TRPC5: variants seen among roughly 807,000 people sequenced by gnomAD.
TRPC5 encodes the protein transient receptor potential cation channel subfamily C member 5, also known as short transient receptor potential channel 5.
Under a neutral mutation model 56.5 loss-of-function variants are expected in TRPC5, and 9 were observed. That is an observed-to-expected ratio of 0.16 (90% confidence interval 0.10 to 0.28). The LOEUF is 0.28. Among genes scored for constraint, TRPC5 ranks in the 10% least tolerant of loss-of-function variants. The pLI, the probability that TRPC5 is intolerant of heterozygous loss-of-function variation, is 1.00. For synonymous variants in TRPC5, 282 were observed against 278.5 expected (o/e 1.01, Z -0.13); for missense variants, 469 against 748.9 (o/e 0.63, Z 4.36).
chrX:112,038,522 T>C (rs1203082478), intron 1 of TRPC5, among the ~76,000 whole-genome samples: 1 of 112,262 alleles, frequency 8.9e-6, no homozygotes, highest in Non-Finnish European at 1.9e-5. Context: ...CTGTAGGTGT[T>C]CTGTTATCTT....
intron 4 of TRPC5, 68 bp downstream of exon 4, chrX:111,853,702 G>A: frequency 1.8e-6 from 2 of 1,081,196 alleles, no homozygotes; most frequent in East Asian, 6.0e-5. Flanking sequence ...CTGACTGCCT[G>A]TTCTAGTAGT....
chrX:111,780,717 G>A (rs1945913437), intron 9 of TRPC5, among the ~76,000 whole-genome samples: 1 of 111,894 alleles, frequency 8.9e-6, no homozygotes, highest in Non-Finnish European at 1.9e-5. Flanking sequence ...TCAATCCTCT[G>A]TTGTTCAAGA....
intron 1 of TRPC5, among the ~76,000 whole-genome samples, chrX:112,071,166 G>A (rs1470387341): frequency 9.1e-6 from 1 of 109,989 alleles, no homozygotes; most frequent in African/African-American, 3.3e-5. Flanking sequence ...CACAATATTA[G>A]CCGGGCATGG....
At chrX:111,976,275 T>G (rs138068135) in intron 1 of TRPC5, among the ~76,000 whole-genome samples, 1 of 109,900 alleles carries the variant, frequency 9.1e-6, no homozygotes, top group Non-Finnish European at 1.9e-5. Flanking sequence ...ATAGAAAAAT[T>G]ACCCAGGTGT....
intron 7 of TRPC5, among the ~76,000 whole-genome samples, chrX:111,803,605 G>C (rs185165731): frequency 1.8e-5 from 2 of 112,472 alleles, no homozygotes; most frequent in Admixed American, 1.9e-4. Context: ...GACCAGTGAT[G>C]GTGAGCATTT....
At chrX:111,818,775 T>C (rs1346997582) in intron 7 of TRPC5, among the ~76,000 whole-genome samples, 1 of 109,549 alleles carries the variant, frequency 9.1e-6, no homozygotes, top group African/African-American at 3.3e-5. Context: ...AGCTAATTTT[T>C]GTATTTTTAG....
intron 7 of TRPC5, among the ~76,000 whole-genome samples, chrX:111,795,328 T>C (rs1009216551): frequency 9.0e-6 from 1 of 111,203 alleles, no homozygotes; most frequent in African/African-American, 3.3e-5. Context: ...TCCTAGTTTG[T>C]TGAGACCTTT....
intron 1 of TRPC5, among the ~76,000 whole-genome samples, chrX:111,963,689 C>T (rs942615551): frequency 1.8e-5 from 2 of 111,846 alleles, no homozygotes; most frequent in Non-Finnish European, 3.8e-5. Flanking sequence ...TCTACAGCCA[C>T]CGCTGCTGAT....
At position 111,769,897 on chromosome X, in the gene TRPC5, A is replaced by T. The variant is rs1945833943; in HGVS notation, c.*6416T>A. On this transcript the variant is annotated 3_prime_UTR_variant, in exon 11 of 11. Transcript: ENST00000262839. ...ATTCCTAAAAATTTAATCTTATAGGATCATGATTTTCTACCATTGAGGATA... is the reference window on the plus strand; with the variant it reads ...ATTCCTAAAAATTTAATCTTATAGGTTCATGATTTTCTACCATTGAGGATA... Among the ~76,000 whole-genome samples the T allele has an allele frequency of 8.9e-6, 1 of 111,830 alleles. No homozygotes were observed. Among genetic ancestry groups the T allele is most frequent in the African/African-American group, 3.2e-5 (1 of 30,816 alleles).
At chrX:112,071,378 A>C (rs1463628951) in intron 1 of TRPC5, among the ~76,000 whole-genome samples, 1 of 111,571 alleles carries the variant, frequency 9.0e-6, no homozygotes, top group Non-Finnish European at 1.9e-5. Flanking sequence ...TACCATTTTA[A>C]TCTCCATTTT....
chrX:111,934,541 T>G (rs2148629557), intron 2 of TRPC5, among the ~76,000 whole-genome samples: 1 of 111,560 alleles, frequency 9.0e-6, no homozygotes, highest in Admixed American at 9.6e-5. Flanking sequence ...GTAATCACCC[T>G]GCTGTGCTAA....
chrX:111,909,779 C>A (rs1464738236), intron 3 of TRPC5, among the ~76,000 whole-genome samples: 1 of 110,956 alleles, frequency 9.0e-6, no homozygotes, highest in African/African-American at 3.3e-5. Flanking sequence ...ATAAAGAACA[C>A]AAGGGACAAA....
chrX:111,806,567 G>A (rs1460134009), intron 7 of TRPC5, among the ~76,000 whole-genome samples: 1 of 111,839 alleles, frequency 8.9e-6, no homozygotes, highest in Non-Finnish European at 1.9e-5. Context: ...AGAGAGAAAA[G>A]CCATGGTCTT....
chrX:111,964,270 G>C (rs1284809986), intron 1 of TRPC5, among the ~76,000 whole-genome samples: 4 of 111,747 alleles, frequency 3.6e-5, no homozygotes, highest in Non-Finnish European at 7.5e-5. Flanking sequence ...GGGAAGGTTA[G>C]AGAAAAAAGA....
chrX:111,984,792 T>C (rs1455690537), intron 1 of TRPC5, among the ~76,000 whole-genome samples: 1 of 112,697 alleles, frequency 8.9e-6, no homozygotes, highest in Non-Finnish European at 1.9e-5. Flanking sequence ...ACCAAGAAGT[T>C]GTATTGCTGG....
At chrX:111,778,097 G>A in intron 10 of TRPC5, among the ~76,000 whole-genome samples, 1 of 110,464 alleles carries the variant, frequency 9.1e-6, no homozygotes, top group Non-Finnish European at 1.9e-5. Flanking sequence ...AGAAAATATA[G>A]ATGTGTTCAT....
At chrX:111,790,403 C>G (rs1362107526) in intron 7 of TRPC5, among the ~76,000 whole-genome samples, 1 of 110,370 alleles carries the variant, frequency 9.1e-6, no homozygotes, top group Non-Finnish European at 1.9e-5. Flanking sequence ...ACATCAGGGC[C>G]TGTCGGAGGG....
rs192556116 is a variant in TRPC5, at chrX:111,831,898, C to T, written c.1896+3023G>A. ...ATCTCTTCCACCTAATATTTTTTAA[C>T]GGATGAATCTGATTAAAATGGCACT... On this transcript the variant is annotated intron_variant, in intron 7 of 10. Transcript: ENST00000262839. Among the ~76,000 whole-genome samples the T allele has an allele frequency of 5.7e-3, 637 of 111,262 alleles. 3 individuals carry two copies. The highest frequency in any genetic ancestry group is 0.011 in the Admixed American group (111 of 10,414).
chrX:112,076,656 G>A (rs1405329469), intron 1 of TRPC5, among the ~76,000 whole-genome samples: 2 of 111,629 alleles, frequency 1.8e-5, no homozygotes, highest in African/African-American at 6.5e-5. Flanking sequence ...GTATGTATGT[G>A]TGTGTTTTCA....
Sources: allele counts gnomAD v4.1 joint callset (sites outside exome capture counted in the v4.1 genomes callset), GRCh38; gene constraint gnomAD v4.1.1; transcripts MANE v1.5; gene names NCBI Gene and HGNC (gene_info 2026-07-23, HGNC 2026-07-21).